Variants in USO1 observed in about 807,000 individuals in gnomAD.
The protein encoded by USO1 is USO1 vesicle transport factor.
A neutral mutation model predicts 124.5 loss-of-function variants in USO1; 57 were observed. That is an observed-to-expected ratio of 0.46 (90% CI 0.37 to 0.57). USO1 has a LOEUF of 0.57. Ranked by LOEUF, USO1 falls within the 20% of genes least tolerant of loss-of-function variation. The pLI, the probability that USO1 is intolerant of heterozygous loss-of-function variation, is 0.00. For synonymous variants in USO1, 369 were observed against 362.8 expected, an observed-to-expected ratio of 1.02 and a Z score of -0.19; for missense variants, 900 against 1,040.6, an observed-to-expected ratio of 0.86 and a Z score of 1.86.
chr4:75,743,077 CG>C (rs1228631079), intron 1 of USO1, among the ~76,000 whole-genome samples: 1 of 151,744 alleles, frequency 6.6e-6, no homozygotes, highest in Non-Finnish European at 1.5e-5. Context: ...CTCCACCTCC[CG>C]GGTTCAAGCC....
intron 3 of USO1, among the ~76,000 whole-genome samples, chr4:75,754,998 G>C (rs572869098): frequency 3.9e-5 from 6 of 152,198 alleles, no homozygotes; most frequent in African/African-American, 1.4e-4. Flanking sequence ...CTGAAGGCTT[G>C]ACTGGGGCTG....
chr4:75,758,194 A>G (rs1721498295), intron 4 of USO1, among the ~76,000 whole-genome samples: 1 of 152,136 alleles, frequency 6.6e-6, no homozygotes, highest in African/African-American at 2.4e-5. Flanking sequence ...AAGTCTGTAT[A>G]CATTTTGTCC....
intron 8 of USO1, among the ~76,000 whole-genome samples, chr4:75,782,334 A>T (rs1160655004): frequency 6.6e-6 from 1 of 152,238 alleles, no homozygotes; most frequent in African/African-American, 2.4e-5. Flanking sequence ...ACCTAATAAT[A>T]AAAGGAGAAG....
intron 20 of USO1, among the ~76,000 whole-genome samples, chr4:75,807,552 A>T (rs1191872405): frequency 6.6e-6 from 1 of 152,168 alleles, no homozygotes; most frequent in Non-Finnish European, 1.5e-5. Context: ...TGTACCTCAG[A>T]GTAGATTCTA....
chr4:75,758,244 T>C (rs1245889475), intron 4 of USO1, among the ~76,000 whole-genome samples: 1 of 152,236 alleles, frequency 6.6e-6, no homozygotes, highest in Non-Finnish European at 1.5e-5. Flanking sequence ...ACATTCGCAG[T>C]AACATTTCAC....
Position 75,724,891 on chromosome 4 carries a change from A to T in USO1, c.66+6A>T. ...AGCACACAGAAGCCGAGACGGTGAG[A>T]GGAGCAGCGGGTCTGGGACTTGGGA... On this transcript the variant is annotated splice_donor_region_variant and intron_variant, in intron 1 of 23. Transcript: ENST00000514213. 1 of 1,612,700 alleles carries T rather than the reference A, an allele frequency of 6.2e-7. No individual in the cohort carries two copies. Among genetic ancestry groups the T allele is most frequent in the East Asian group, 2.2e-5 (1 of 44,660 alleles).
chr4:75,786,247 A>G (rs940549410), intron 9 of USO1, among the ~76,000 whole-genome samples: 15 of 152,114 alleles, frequency 9.9e-5, no homozygotes, highest in African/African-American at 3.1e-4. Context: ...TAGTAATACA[A>G]GTGTTTTAGT....
At chr4:75,744,960 A>T (rs1375561821) in intron 1 of USO1, 1 of 492,630 alleles carries the variant, frequency 2.0e-6, no homozygotes, top group Non-Finnish European at 4.1e-6. Context: ...ACTGTTCCAG[A>T]TGTCTTATTT....
chr4:75,734,975 C>T (rs1241629113), intron 1 of USO1, among the ~76,000 whole-genome samples: 5 of 151,920 alleles, frequency 3.3e-5, no homozygotes, highest in African/African-American at 4.8e-5. Flanking sequence ...GTGATCCACC[C>T]GCCTCAGCCT....
At chr4:75,753,886 C>T (rs998210198) in intron 3 of USO1, among the ~76,000 whole-genome samples, 1 of 148,992 alleles carries the variant, frequency 6.7e-6, no homozygotes, top group East Asian at 2.0e-4. Context: ...CGAGTTTATG[C>T]CATTCTCCTG....
intron 1 of USO1, among the ~76,000 whole-genome samples, chr4:75,733,556 C>G (rs183755076): frequency 8.5e-5 from 13 of 152,262 alleles, no homozygotes; most frequent in Non-Finnish European, 1.8e-4. Context: ...TTTTGACTTG[C>G]ATTTGTCAGA....
rs1212253640 is a variant in USO1 at position 75,725,616 on chromosome 4, T to TA, written c.66+731_66+732insA. On this transcript the variant is annotated intron_variant, in intron 1 of 23. Coordinates refer to ENST00000514213, the MANE Select transcript of USO1 (RefSeq NM_003715.4). ...CTAATGACATGATTTGCGGCGTTAT[T>TA]TAAAAAAAAAAAAAAATGGTTAGCC... Among the ~76,000 whole-genome samples the TA allele has an allele frequency of 2.8e-5, 3 of 105,588 alleles. No homozygotes were observed. The Admixed American group carries it at 3.2e-4, about 11-fold the overall frequency. The allele number at this position is 105,588 out of a possible 152,430, so 69.3% of individuals were successfully genotyped here.
rs1344950246 is a variant in USO1 at position 75,812,324 on chromosome 4, A to G, written c.2748A>G (p.Gln916=). 4 of 1,604,330 alleles carry G rather than the reference A, an allele frequency of 2.5e-6. No homozygotes were observed. Among genetic ancestry groups the G allele is most frequent in the Admixed American group, 3.4e-5 (2 of 58,772 alleles). ...QDDLLVLLAD[Q]DQKILSLKNK... ...ATCTCTTGGTGCTCTTGGCCGATCAAGATCAGAAAATACTGTCATTGAAGA... is the reference window on the plus strand; with the variant it reads ...ATCTCTTGGTGCTCTTGGCCGATCAGGATCAGAAAATACTGTCATTGAAGA... Residue 916 remains glutamine (Q), a synonymous_variant, in exon 23 of 24, where the codon CAA becomes CAG. Transcript: ENST00000514213.
chr4:75,724,691 T>C lies in USO1; in HGVS notation c.-129T>C, dbSNP rs1720334930. On this transcript the variant is annotated 5_prime_UTR_variant, in exon 1 of 24. Transcript: ENST00000514213. Reference sequence around the variant, plus strand: ...TAGAGGGCTGGAGTGGCCGCCGAGTTGGAGGCGGTGGTGGCAGCAGTAGGA... The same window carrying C: ...TAGAGGGCTGGAGTGGCCGCCGAGTCGGAGGCGGTGGTGGCAGCAGTAGGA... 1.1e-5 allele frequency: 10 copies of C among 905,332 alleles called. No individual in the cohort carries two copies. Among genetic ancestry groups the C allele is most frequent in the Non-Finnish European group, 1.5e-5 (9 of 601,464 alleles). The allele number at this position is 905,332 out of a possible 1,614,324, so 56.1% of individuals were successfully genotyped here.
intron 3 of USO1, among the ~76,000 whole-genome samples, 171 bp from the exon 4 acceptor site, chr4:75,757,326 T>C (rs193154753): frequency 6.6e-6 from 1 of 152,154 alleles, no homozygotes; most frequent in Non-Finnish European, 1.5e-5. Flanking sequence ...TGCTTCTAAA[T>C]TTTCACAATT....
chr4:75,803,074 C>T (rs757429178), intron 17 of USO1, among the ~76,000 whole-genome samples: 137 of 110,646 alleles, frequency 1.2e-3, no homozygotes, highest in African/African-American at 4.3e-3. Flanking sequence ...GCAACAAGAG[C>T]GAAACTCTGT....
At position 75,799,613 on chromosome 4, in the gene USO1, C is replaced by T; in HGVS notation, c.1453-9C>T. On this transcript the variant is annotated splice_polypyrimidine_tract_variant and intron_variant, in intron 13 of 23. Transcript: ENST00000514213. ...AATGGAAAGATTTCTACCAATTTAT[C>T]TGTTGCAGGGAAGCAAAATACAAAC... The T allele has an allele frequency of 6.2e-7, 1 of 1,611,556 alleles. No homozygotes were observed. Among genetic ancestry groups the T allele is most frequent in the Non-Finnish European group, 8.5e-7 (1 of 1,179,014 alleles).
Position 75,804,137 on chromosome 4 carries a change from C to G in USO1, c.1990C>G (p.Leu664Val). The G allele has an allele frequency of 6.2e-7, 1 of 1,612,618 alleles. No individual in the cohort carries two copies. The highest frequency in any genetic ancestry group is 8.5e-7 in the Non-Finnish European group (1 of 1,179,358). Residue 664 changes from leucine (L) to valine (V), a missense_variant, in exon 18 of 24, where the codon CTC (leucine) becomes GTC (valine). Physicochemically the swap from Leu to Val is conservative, Grantham distance 32 (BLOSUM62 1). Coordinates refer to ENST00000514213, the MANE Select transcript of USO1 (RefSeq NM_003715.4). Reference protein sequence around the residue: ...HYKNMIREQDLQLEELRQQVS... With the variant: ...HYKNMIREQDVQLEELRQQVS... ...TGAATTATGTTTTGTTTCACAGGAT[C>G]TCCAACTTGAGGAATTAAGGCAGCA...
chr4:75,775,922 G>A (rs1165743834), intron 8 of USO1, among the ~76,000 whole-genome samples: 1 of 152,172 alleles, frequency 6.6e-6, no homozygotes, highest in East Asian at 1.9e-4. Flanking sequence ...CACAAAAATA[G>A]GTTTTAGTAA....
Sources: allele counts gnomAD v4.1 joint callset (sites outside exome capture counted in the v4.1 genomes callset), GRCh38; gene constraint gnomAD v4.1.1; transcripts MANE v1.5; gene names NCBI Gene and HGNC (gene_info 2026-07-23, HGNC 2026-07-21).